The following HPS5 variants were observed in gnomAD, a reference collection of about 807,000 sequenced individuals.
HPS5 encodes the protein BLOC-2 complex member HPS5.
A neutral mutation model predicts 128.0 loss-of-function variants in HPS5; 83 were observed. The observed-to-expected ratio is 0.65, with a 90% CI of 0.54 to 0.78. HPS5 has a LOEUF of 0.78. HPS5 is among the 30% of genes least tolerant of loss of function. The pLI, the probability that HPS5 is intolerant of heterozygous loss-of-function variation, is 0.00. For missense variants in HPS5, 1,281 were observed against 1,326.2 expected (o/e 0.97, Z 0.53); for synonymous variants, 475 against 470.2 (o/e 1.01, Z -0.13).
chr11:18,293,816 C>T (rs561404598), intron 14 of HPS5, among the ~76,000 whole-genome samples: 1 of 152,244 alleles, frequency 6.6e-6, no homozygotes, highest in African/African-American at 2.4e-5. Flanking sequence ...TGTCAGTGTA[C>T]ACACTTAGTT....
Position 18,280,455 on chromosome 11 carries a change from G to T in HPS5, c.3330-513C>A. On this transcript the variant is annotated intron_variant, in intron 22 of 22. Coordinates refer to ENST00000349215, the MANE Select transcript of HPS5 (RefSeq NM_181507.2). ...ACTGCTGGCAGGAAAGTAAAATGGT[G>T]CAGTCTCTACAGAACAGTATGGTGG... The T allele has an allele frequency of 6.6e-6, 4 of 608,632 alleles. 1 individual carries two copies. The South Asian group carries it at 8.0e-5, about 12-fold the overall frequency. The allele number at this position is 608,632 out of a possible 1,614,324, so 37.7% of individuals were successfully genotyped here.
At chr11:18,288,482 G>A (rs529306348) in intron 16 of HPS5, among the ~76,000 whole-genome samples, 104 of 151,872 alleles carry the variant, frequency 6.8e-4, no homozygotes, top group African/African-American at 2.4e-3. Context: ...AAAGTTACCA[G>A]TATAGCAAAT....
intron 16 of HPS5, among the ~76,000 whole-genome samples, chr11:18,291,195 T>C (rs1193453987): frequency 1.3e-5 from 2 of 151,934 alleles, no homozygotes; most frequent in Admixed American, 6.6e-5. Flanking sequence ...TCAAACAGAA[T>C]GAAACTCTGT....
rs1458487799 is a variant in HPS5, at chr11:18,291,614, G to A, written c.2268C>T (p.Ser756=). The A allele has an allele frequency of 5.0e-6, 8 of 1,614,174 alleles. No individual in the cohort carries two copies. Among genetic ancestry groups the A allele is most frequent in the Non-Finnish European group, 6.8e-6 (8 of 1,180,014 alleles). Residue 756 remains serine, a synonymous_variant, in exon 16 of 23, where the codon AGC becomes AGT. Coordinates refer to ENST00000349215, the MANE Select transcript of HPS5 (RefSeq NM_181507.2). ...AAGTGTGGTCCACATGTCCACTGGT[G>A]CTTTTGATCTTAGAATTCAATACAT... is the stretch of plus-strand genomic sequence containing the variant. The part of the protein sequence containing the change: ...ELNVLNSKIK[S]TSGHVDHTLQ...
chr11:18,288,703 A>G (rs1346410699), intron 16 of HPS5, among the ~76,000 whole-genome samples: 1 of 151,596 alleles, frequency 6.6e-6, no homozygotes, highest in Admixed American at 6.6e-5. Context: ...GCTGGAGTGC[A>G]GTGGTGATCA....
At chr11:18,300,765 C>A in intron 9 of HPS5, 63 bp downstream of exon 9, 1 of 777,606 alleles carries the variant, frequency 1.3e-6, no homozygotes, top group African/African-American at 1.8e-5. Context: ...CAAGAGAATG[C>A]TCCTACAATA....
At chr11:18,283,323 G>C (rs1390264326) in intron 21 of HPS5, among the ~76,000 whole-genome samples, 1 of 137,634 alleles carries the variant, frequency 7.3e-6, no homozygotes, top group Non-Finnish European at 1.6e-5. Context: ...TAATTAATGG[G>C]AAATTAAAAA....
Position 18,304,195 on chromosome 11 carries a change from T to C in HPS5, c.896+1227A>G, listed in dbSNP as rs577207529. 1.2e-4 allele frequency among the ~76,000 whole-genome samples: 18 copies of C among 151,990 alleles called. No individual in the cohort carries two copies. In the South Asian group the frequency reaches 3.3e-3, roughly 28 times the overall value. ...ATGAAGAATTATGGAGTTACTAAAG[T>C]GTTATAATGTCTATAATTCACTTTT... On this transcript the variant is annotated intron_variant, in intron 8 of 22. Transcript: ENST00000349215.
intron 2 of HPS5, among the ~76,000 whole-genome samples, chr11:18,315,908 T>A (rs181972478): frequency 8.2e-4 from 125 of 152,296 alleles, no homozygotes; most frequent in Non-Finnish European, 1.6e-3. Context: ...CATAATGATT[T>A]ATTGCCACTC....
At chr11:18,302,600 T>C (rs1861826546) in intron 8 of HPS5, among the ~76,000 whole-genome samples, 4 of 152,152 alleles carry the variant, frequency 2.6e-5, no homozygotes, top group Admixed American at 2.6e-4. Context: ...TTCCTTTATG[T>C]TTCCAAGAGT....
chr11:18,314,242 C>T (rs1299312826), intron 2 of HPS5, among the ~76,000 whole-genome samples: 1 of 151,822 alleles, frequency 6.6e-6, no homozygotes, highest in Non-Finnish European at 1.5e-5. Flanking sequence ...CCGCATCCCC[C>T]CTCCCCCGAC....
At chr11:18,289,374 A>G in intron 16 of HPS5, among the ~76,000 whole-genome samples, 1 of 152,168 alleles carries the variant, frequency 6.6e-6, no homozygotes, top group Admixed American at 6.5e-5. Context: ...ATTGCCCACC[A>G]TGCTTCCTCT....
chr11:18,312,801 A>G lies in HPS5; in HGVS notation c.109-777T>C, dbSNP rs564269281. 3.0e-4 allele frequency among the ~76,000 whole-genome samples: 46 copies of G among 152,360 alleles called. 1 individual carries two copies. The highest frequency in any genetic ancestry group is 6.2e-4 in the Non-Finnish European group (42 of 68,032). On this transcript the variant is annotated intron_variant, in intron 2 of 22. Coordinates refer to ENST00000349215, the MANE Select transcript of HPS5 (RefSeq NM_181507.2). ...CAGGACACATATTGCAAAAGCAGCT[A>G]AAAGCTAACATATGTGCAATGGTAG...
intron 21 of HPS5, among the ~76,000 whole-genome samples, 156 bp downstream of exon 21, chr11:18,283,633 AAAAAAC>A (rs1195065708): frequency 5.9e-5 from 9 of 152,176 alleles, no homozygotes; most frequent in African/African-American, 1.4e-4. Context: ...GGCTATAGGT[AAAAAAC>A]AAAAACAAAA....
chr11:18,282,359 T>C (rs891996927), intron 21 of HPS5, 139 bp from the exon 22 acceptor site: 1 of 931,152 alleles, frequency 1.1e-6, no homozygotes, highest in Non-Finnish European at 1.7e-6. Context: ...CTAACACAAG[T>C]TGTTTTCTGA....
intron 10 of HPS5, among the ~76,000 whole-genome samples, chr11:18,297,925 C>T (rs1564952654): frequency 6.6e-6 from 1 of 151,374 alleles, no homozygotes; most frequent in East Asian, 2.0e-4. Flanking sequence ...ACTAAAAATA[C>T]AAAAATTAGC....
chr11:18,294,229 G>A (rs892637204), intron 14 of HPS5, among the ~76,000 whole-genome samples: 24 of 152,114 alleles, frequency 1.6e-4, no homozygotes, highest in Admixed American at 8.5e-4. Context: ...CTTGATCAAC[G>A]TTGCCTAAAG....
chr11:18,309,814 A>G (rs1196138730), intron 5 of HPS5, among the ~76,000 whole-genome samples: 1 of 152,230 alleles, frequency 6.6e-6, no homozygotes, highest in Admixed American at 6.5e-5. Context: ...CAGCCTGGGC[A>G]ACATGGCGAA....
intron 1 of HPS5, among the ~76,000 whole-genome samples, chr11:18,318,636 T>C (rs751454590): frequency 2.4e-4 from 36 of 152,182 alleles, no homozygotes; most frequent in Admixed American, 9.2e-4. Flanking sequence ...TTTTGTCAAC[T>C]TGCACCAATC....
Sources: gnomAD v4.1 joint callset for allele counts (sites outside exome capture counted in the v4.1 genomes callset) on GRCh38, gnomAD v4.1.1 for gene constraint, MANE v1.5 for transcripts, NCBI Gene and HGNC (gene_info 2026-07-23, HGNC 2026-07-21) for gene names.